Variants in OSBPL10 observed in about 807,000 individuals in gnomAD.
OSBPL10 encodes the protein oxysterol binding protein like 10, also known as oxysterol-binding protein-related protein 10.
In OSBPL10, 49 loss-of-function variants were observed where a neutral mutation model predicts 81.7. The observed-to-expected ratio is 0.60, with a 90% CI of 0.48 to 0.76. OSBPL10 has a LOEUF of 0.76. Among genes scored for constraint, OSBPL10 ranks in the 30% least tolerant of loss-of-function variants. The pLI is 0.00. For synonymous variants in OSBPL10, 419 were observed against 383.6 expected, an observed-to-expected ratio of 1.09 and a Z score of -1.08; for missense variants, 923 against 987.8, an observed-to-expected ratio of 0.93 and a Z score of 0.88.
chr3:31,746,108 A>G (rs1242932094), intron 5 of OSBPL10, among the ~76,000 whole-genome samples: 2 of 152,200 alleles, frequency 1.3e-5, no homozygotes. Flanking sequence ...ATCTTCACAA[A>G]TATCTTTATA....
rs1032535595 is a variant in OSBPL10, at chr3:31,988,172, G to A, written n.298+58319C>T. On this transcript the variant is annotated intron_variant and non_coding_transcript_variant, in intron 2 of 3. Transcript: ENST00000479173. ...AGAATATCTGGAGCAATTATCCTGTGTCTGCTTCACCATTGTGTTTTGAGT... is the reference window on the plus strand; with the variant it reads ...AGAATATCTGGAGCAATTATCCTGTATCTGCTTCACCATTGTGTTTTGAGT... 8.5e-5 allele frequency among the ~76,000 whole-genome samples: 13 copies of A among 152,304 alleles called. No individual in the cohort carries two copies. The East Asian group carries it at 2.5e-3, about 29-fold the overall frequency.
intron 2 of OSBPL10, among the ~76,000 whole-genome samples, chr3:32,020,150 T>C (rs1307584168): frequency 3.3e-5 from 5 of 152,260 alleles, no homozygotes; most frequent in African/African-American, 7.2e-5. Flanking sequence ...TTGTTCCTGT[T>C]ATTTTCTATA....
chr3:32,043,965 C>T (rs1464429994), intron 2 of OSBPL10, among the ~76,000 whole-genome samples: 1 of 149,366 alleles, frequency 6.7e-6, no homozygotes, highest in Non-Finnish European at 1.5e-5. Context: ...GGGTACTATG[C>T]TCACTACCTA....
intron 4 of OSBPL10, among the ~76,000 whole-genome samples, chr3:31,788,171 A>G (rs972010735): frequency 1.2e-4 from 18 of 152,222 alleles, no homozygotes; most frequent in Admixed American, 2.6e-4. Context: ...GATTTCAGAG[A>G]TGTCAGCAAT....
intron 6 of OSBPL10, chr3:31,717,024 G>C (rs551006263): frequency 5.5e-4 from 84 of 152,314 alleles, no homozygotes; most frequent in African/African-American, 1.9e-3. Flanking sequence ...GAACGGTTTT[G>C]ATTTACAAGT....
At chr3:31,733,005 A>C (rs1463562810) in intron 6 of OSBPL10, 2 of 530,140 alleles carry the variant, frequency 3.8e-6, no homozygotes, top group African/African-American at 3.9e-5. Flanking sequence ...AGTTAAAGTG[A>C]CTCCCATTTC....
In OSBPL10 at chr3:32,065,963, GAAAGA is replaced by G. The variant is rs1462655491; in HGVS notation, n.185+11428_185+11432del. ...AAGAAAGAAGAAAGAAAGAAAGAAA[GAAAGA>G]AAGAAAGAAAGAAAGAAAGAAAGAA... is the stretch of plus-strand genomic sequence containing the variant. On this transcript the variant is annotated intron_variant and non_coding_transcript_variant, in intron 1 of 3. Transcript: ENST00000479173. Among the ~76,000 whole-genome samples the G allele has an allele frequency of 7.9e-4, 40 of 50,826 alleles. 6 individuals are homozygous for G. The highest frequency in any genetic ancestry group is 1.6e-3 in the African/African-American group (37 of 22,562). The allele number at this position is 50,826 out of a possible 152,430, so 33.3% of individuals were successfully genotyped here. A position where few individuals can be genotyped will look rare whatever the true frequency, so the allele number is the denominator to read the frequency against.
At chr3:31,931,958 C>T (rs1220180572) in intron 1 of OSBPL10, among the ~76,000 whole-genome samples, 1 of 152,104 alleles carries the variant, frequency 6.6e-6, no homozygotes, top group Non-Finnish European at 1.5e-5. Context: ...GAGAGGATCA[C>T]TTGAACCCAG....
chr3:31,664,007 A>C, intron 11 of OSBPL10, 72 bp downstream of exon 11: 3 of 1,613,864 alleles, frequency 1.9e-6, no homozygotes, highest in Non-Finnish European at 2.5e-6. Context: ...GGGCTCAGCA[A>C]GAAAAACCCA....
chr3:31,980,922 G>T lies in OSBPL10; in HGVS notation c.258C>A (p.Asn86Lys). Residue 86 changes from asparagine to lysine, a missense_variant, in exon 1 of 12, where the codon AAC (asparagine) becomes AAA (lysine). Asn to Lys is a moderately conservative substitution (Grantham distance 94, BLOSUM62 0). Coordinates refer to ENST00000396556, the MANE Select transcript of OSBPL10 (RefSeq NM_017784.5). ...ACCTGTTCTGCCAGCCCTGGAGGAG[G>T]TTGGTGTATTTGCTGAGCACGCCCT... Reference protein sequence around the residue: ...ALEGVLSKYTNLLQGWQNRYF... With the variant: ...ALEGVLSKYTKLLQGWQNRYF... 5 of 1,580,990 alleles carry T rather than the reference G, an allele frequency of 3.2e-6. No individual in the cohort carries two copies. In the South Asian group the frequency reaches 5.7e-5, roughly 18 times the overall value.
At chr3:31,807,150 C>T (rs753018161) in intron 4 of OSBPL10, among the ~76,000 whole-genome samples, 9 of 152,074 alleles carry the variant, frequency 5.9e-5, no homozygotes, top group East Asian at 1.9e-4. Flanking sequence ...GAGGCCAAGG[C>T]GGGTGGCTCA....
chr3:31,663,842 C>T (rs981318997), intron 11 of OSBPL10: 68 of 1,415,572 alleles, frequency 4.8e-5, no homozygotes, highest in Middle Eastern at 2.6e-4. Context: ...CATAGGGATA[C>T]TGGAGGGGAA....
intron 6 of OSBPL10, among the ~76,000 whole-genome samples, chr3:31,702,764 C>T (rs967174561): frequency 2.0e-5 from 3 of 152,220 alleles, no homozygotes; most frequent in African/African-American, 7.2e-5. Flanking sequence ...CCTGACAAAA[C>T]AGCTCCCTGT....
At chr3:31,809,356 G>A (rs747153402) in intron 4 of OSBPL10, among the ~76,000 whole-genome samples, 57 of 152,094 alleles carry the variant, frequency 3.7e-4, no homozygotes, top group Non-Finnish European at 8.8e-5. Flanking sequence ...GCAACAAAAG[G>A]GGATAAAATA....
At chr3:31,695,421 A>AC (rs752903600) in intron 7 of OSBPL10, among the ~76,000 whole-genome samples, 1 of 151,958 alleles carries the variant, frequency 6.6e-6, no homozygotes, top group Non-Finnish European at 1.5e-5. Context: ...TCTTACCAGC[A>AC]CCTTTGACCC....
At chr3:31,981,415 CCCCT>C, upstream of OSBPL10, 1 of 583,284 alleles carries the variant, frequency 1.7e-6, no homozygotes, top group East Asian at 3.8e-5. The surrounding 1 kb of genome is among the most constrained non-coding windows in gnomAD (Gnocchi z 4.5). Flanking sequence ...CAGGGCCCGG[CCCCT>C]CCCTCCGCAC....
At chr3:31,727,167 G>A (rs763915635) in intron 6 of OSBPL10, among the ~76,000 whole-genome samples, 1 of 151,970 alleles carries the variant, frequency 6.6e-6, no homozygotes, top group Admixed American at 6.6e-5. Flanking sequence ...TTAATTGTAG[G>A]GTTTCCTGTT....
intron 1 of OSBPL10, among the ~76,000 whole-genome samples, chr3:31,885,519 T>C (rs984919700): frequency 6.6e-6 from 1 of 152,160 alleles, no homozygotes; most frequent in Non-Finnish European, 1.5e-5. Context: ...TCTGCACAGG[T>C]ACCCATTTCA....
chr3:31,749,527 A>G (rs1697648229), intron 4 of OSBPL10, among the ~76,000 whole-genome samples: 2 of 152,224 alleles, frequency 1.3e-5, no homozygotes, highest in South Asian at 4.1e-4. Flanking sequence ...TTTGTTTAAA[A>G]GTCACCTTTT....
Sources: gnomAD v4.1 joint callset for allele counts (sites outside exome capture counted in the v4.1 genomes callset) on GRCh38, gnomAD v4.1.1 for gene constraint, Gnocchi (gnomAD v3.1) non-coding constraint, MANE v1.5 for transcripts, NCBI Gene and HGNC (gene_info 2026-07-23, HGNC 2026-07-21) for gene names.